The following UBE2W variants were observed in gnomAD, a reference collection of about 807,000 sequenced individuals.
The protein encoded by UBE2W is ubiquitin conjugating enzyme E2 W.
A neutral mutation model predicts 27.2 loss-of-function variants in UBE2W; 18 were observed. The ratio of observed to expected loss-of-function variants is 0.66; its 90% CI spans 0.46 to 0.98. The LOEUF (loss-of-function observed/expected upper bound fraction) is 0.98. Ranked by LOEUF, UBE2W falls within the 50% of genes least tolerant of loss-of-function variation. The pLI, the probability that UBE2W is intolerant of heterozygous loss-of-function variation, is 0.00. For missense variants in UBE2W, 90 were observed against 180.2 expected (o/e 0.50, Z 2.87); for synonymous variants, 53 against 57.2 (o/e 0.93, Z 0.33).
chr8:73,874,407 G>A (rs1812133051), intron 1 of UBE2W, among the ~76,000 whole-genome samples: 1 of 152,156 alleles, frequency 6.6e-6, no homozygotes, highest in African/African-American at 2.4e-5. Context: ...ACTCCAGCCT[G>A]GGCGACAGCG....
In UBE2W at chr8:73,787,457, G is replaced by C; in HGVS notation, c.*6645C>G. 1.0e-6 allele frequency: 1 copy of C among 985,398 alleles called. No individual in the cohort carries two copies. The highest frequency in any genetic ancestry group is 4.7e-5 in the South Asian group (1 of 21,288). The allele number at this position is 985,398 out of a possible 1,614,324, so 61.0% of individuals were successfully genotyped here. A position where few individuals can be genotyped will look rare whatever the true frequency, so the allele number is the denominator to read the frequency against. Reference sequence around the variant, plus strand: ...AAAAGGGCATCATCAAAGTACAAAAGATGGTTCATATATTTATCTAACCAT... The same window carrying C: ...AAAAGGGCATCATCAAAGTACAAAACATGGTTCATATATTTATCTAACCAT... On this transcript the variant is annotated 3_prime_UTR_variant, in exon 6 of 6. Coordinates refer to ENST00000602593, the MANE Select transcript of UBE2W (RefSeq NM_018299.6).
At chr8:73,878,617 C>T (rs995982047) in intron 1 of UBE2W, among the ~76,000 whole-genome samples, 191 bp downstream of exon 1, 3 of 152,192 alleles carry the variant, frequency 2.0e-5, no homozygotes, top group Non-Finnish European at 4.4e-5. Flanking sequence ...CCGACGGATA[C>T]CGCACCCCCC....
chr8:73,829,549 G>A (rs1006296827), intron 2 of UBE2W, among the ~76,000 whole-genome samples: 3 of 147,800 alleles, frequency 2.0e-5, no homozygotes, highest in Admixed American at 7.0e-5. Flanking sequence ...TTAAGTGATT[G>A]TTACAGAGTT....
At chr8:73,868,717 A>C (rs1324060328) in intron 1 of UBE2W, among the ~76,000 whole-genome samples, 1 of 152,028 alleles carries the variant, frequency 6.6e-6, no homozygotes, top group East Asian at 1.9e-4. Flanking sequence ...AAAAAAAAAA[A>C]AACCCACATA....
intron 1 of UBE2W, among the ~76,000 whole-genome samples, chr8:73,846,936 G>T (rs1359126936): frequency 6.6e-6 from 1 of 152,182 alleles, no homozygotes; most frequent in Non-Finnish European, 1.5e-5. Flanking sequence ...ACTTTGGGAG[G>T]CCGAGGCGGG....
chr8:73,852,058 AG>A (rs1162751547), intron 1 of UBE2W, among the ~76,000 whole-genome samples: 1 of 146,782 alleles, frequency 6.8e-6, no homozygotes, highest in Non-Finnish European at 1.5e-5. Flanking sequence ...AAGAAAGGAG[AG>A]GGAGGGGAGA....
intron 3 of UBE2W, among the ~76,000 whole-genome samples, chr8:73,814,685 A>G (rs993177959): frequency 6.6e-6 from 1 of 151,980 alleles, no homozygotes; most frequent in Non-Finnish European, 1.5e-5. Flanking sequence ...CGCCTGGCTA[A>G]TTTTTTGTAT....
intron 1 of UBE2W, among the ~76,000 whole-genome samples, chr8:73,875,266 ATAT>A (rs1812173587): frequency 6.6e-6 from 1 of 152,200 alleles, no homozygotes; most frequent in African/African-American, 2.4e-5. Flanking sequence ...GTGTGCCAGA[ATAT>A]TGATCTCCCA....
chr8:73,864,568 T>A lies in UBE2W; in HGVS notation c.15+14240A>T, dbSNP rs1811664691. 2.6e-5 allele frequency among the ~76,000 whole-genome samples: 4 copies of A among 152,140 alleles called. No homozygotes were observed. In the South Asian group the frequency reaches 8.3e-4, roughly 32 times the overall value. On this transcript the variant is annotated intron_variant, in intron 1 of 5. Transcript: ENST00000602593. ...ACCAATCAAAAGTAACTTGTTTGCA[T>A]TTGTCTAAAGACTTTCTTTTTGAGA... is the stretch of plus-strand genomic sequence containing the variant.
At chr8:73,856,936 G>A (rs1035728878) in intron 1 of UBE2W, among the ~76,000 whole-genome samples, 3 of 151,482 alleles carry the variant, frequency 2.0e-5, no homozygotes, top group Non-Finnish European at 4.4e-5. Context: ...CAAACTCCTG[G>A]TCTCAAGTGA....
At chr8:73,780,298 C>T (rs1419645757) in exon 5 of UBE2W, 1 of 277,084 alleles carries the variant, frequency 3.6e-6, no homozygotes, top group Non-Finnish European at 7.4e-6. Context: ...GGTCTTCTCC[C>T]CATGTGTCTG....
intron 1 of UBE2W, among the ~76,000 whole-genome samples, chr8:73,847,958 T>C (rs1810888043): frequency 1.3e-5 from 2 of 151,274 alleles, no homozygotes; most frequent in Admixed American, 1.3e-4. Context: ...TCCCAGCACT[T>C]TGGGAGGCTG....
intron 1 of UBE2W, among the ~76,000 whole-genome samples, chr8:73,865,210 A>C (rs2623315): frequency 6.8e-6 from 1 of 147,540 alleles, no homozygotes; most frequent in Non-Finnish European, 1.5e-5. Context: ...AAAAAAAAGC[A>C]CTGCGAGTAT....
At chr8:73,819,674 T>C (rs887252276) in intron 3 of UBE2W, among the ~76,000 whole-genome samples, 1 of 152,226 alleles carries the variant, frequency 6.6e-6, no homozygotes, top group African/African-American at 2.4e-5. Context: ...TCTGTTTCCA[T>C]ATTAACAGAC....
intron 1 of UBE2W, chr8:73,831,054 C>G (rs1343560589): frequency 5.0e-6 from 1 of 200,638 alleles, no homozygotes; most frequent in Non-Finnish European, 1.0e-5. Context: ...CATGGAAACT[C>G]CACATCCCTT....
chr8:73,878,356 A>C (rs1336348762), intron 1 of UBE2W, among the ~76,000 whole-genome samples: 1 of 152,184 alleles, frequency 6.6e-6, no homozygotes, highest in Non-Finnish European at 1.5e-5. Flanking sequence ...TTCTCCGGAG[A>C]CGCATTCTCG....
At chr8:73,866,158 C>T (rs1272227199) in intron 1 of UBE2W, among the ~76,000 whole-genome samples, 1 of 150,668 alleles carries the variant, frequency 6.6e-6, no homozygotes, top group Non-Finnish European at 1.5e-5. Context: ...GTAATCCCAG[C>T]TATTCGGGAG....
intron 1 of UBE2W, among the ~76,000 whole-genome samples, chr8:73,862,982 A>C (rs1231918688): frequency 1.7e-5 from 2 of 117,058 alleles, no homozygotes; most frequent in Non-Finnish European, 3.3e-5. Flanking sequence ...TGTTGGTGGG[A>C]CTGTAAACTA....
intron 3 of UBE2W, among the ~76,000 whole-genome samples, chr8:73,820,029 G>A (rs903527068): frequency 7.9e-5 from 12 of 152,118 alleles, no homozygotes; most frequent in African/African-American, 2.7e-4. Context: ...GCCCAGGCTG[G>A]TCCCAAAACT....
Sources: allele counts gnomAD v4.1 joint callset (sites outside exome capture counted in the v4.1 genomes callset), GRCh38; gene constraint gnomAD v4.1.1; transcripts MANE v1.5; gene names NCBI Gene and HGNC (gene_info 2026-07-23, HGNC 2026-07-21).